The following FAR2 variants were observed in gnomAD, a reference collection of about 807,000 sequenced individuals.
FAR2 encodes the protein fatty acyl-CoA reductase 2, also known as epididymis secretory protein Li 81.
Under a neutral mutation model 56.0 loss-of-function variants are expected in FAR2, and 19 were observed. The observed-to-expected ratio is 0.34, with a 90% CI of 0.24 to 0.50. The LOEUF is 0.50. Among genes scored for constraint, FAR2 ranks in the 20% least tolerant of loss-of-function variants. FAR2 has a pLI of 0.98. For missense variants in FAR2, 508 were observed against 642.2 expected (o/e 0.79, Z 2.26); for synonymous variants, 219 against 218.8 (o/e 1.00, Z -0.01).
At chr12:29,155,238 G>A (rs533439060) in intron 1 of FAR2, among the ~76,000 whole-genome samples, 2 of 152,184 alleles carry the variant, frequency 1.3e-5, no homozygotes, top group Admixed American at 6.5e-5. Context: ...CTTAGGTCCC[G>A]TGGTAGGCCT....
At chr12:29,181,786 C>T (rs1485346559) in intron 1 of FAR2, among the ~76,000 whole-genome samples, 1 of 152,216 alleles carries the variant, frequency 6.6e-6, no homozygotes, top group Admixed American at 6.5e-5. Flanking sequence ...TCCCCCAATA[C>T]TTGATTCTAC....
chr12:29,190,738 C>G (rs1482768018), intron 1 of FAR2, among the ~76,000 whole-genome samples: 1 of 151,910 alleles, frequency 6.6e-6, no homozygotes, highest in Non-Finnish European at 1.5e-5. Context: ...GCTGGGATTA[C>G]AGGCATGAGC....
chr12:29,249,826 A>T (rs192972633), intron 1 of FAR2, among the ~76,000 whole-genome samples: 1 of 152,158 alleles, frequency 6.6e-6, no homozygotes, highest in Non-Finnish European at 1.5e-5. Flanking sequence ...AAGGTACAAG[A>T]CATGATCTGG....
chr12:29,308,357 C>T (rs1304832048), intron 5 of FAR2, among the ~76,000 whole-genome samples: 1 of 152,094 alleles, frequency 6.6e-6, no homozygotes, highest in Admixed American at 6.6e-5. Flanking sequence ...TCCAGCTCCA[C>T]TACTTACTGG....
chr12:29,257,833 G>C (rs969672399), intron 1 of FAR2, among the ~76,000 whole-genome samples: 1 of 152,070 alleles, frequency 6.6e-6, no homozygotes, highest in Non-Finnish European at 1.5e-5. Flanking sequence ...TCACCACGAG[G>C]GTCCGGGGCT....
intron 1 of FAR2, among the ~76,000 whole-genome samples, chr12:29,206,236 T>G (rs1025343871): frequency 6.6e-6 from 1 of 152,236 alleles, no homozygotes; most frequent in Admixed American, 6.5e-5. Context: ...CAGTGACTTC[T>G]ATTGCCTATT....
chr12:29,316,938 C>T lies in FAR2; in HGVS notation c.1053C>T (p.Tyr351=), dbSNP rs370238878. The T allele has an allele frequency of 1.2e-5, 19 of 1,613,974 alleles. No individual in the cohort carries two copies. The African/African-American group carries it at 2.4e-4, about 20-fold the overall frequency. ...CCAGCAACAGCTTCACATCACAGTACTGGAATGCGGTCAGCCACCGGGCCC... is the reference window on the plus strand; with the variant it reads ...CCAGCAACAGCTTCACATCACAGTATTGGAATGCGGTCAGCCACCGGGCCC... ...NFTSNSFTSQ[Y]WNAVSHRAPA... Residue 351 remains tyrosine, a synonymous_variant, in exon 9 of 12, where the codon TAC becomes TAT. Coordinates refer to ENST00000536681, the MANE Select transcript of FAR2 (RefSeq NM_001271783.2).
chr12:29,294,502 C>A (rs1949023597), intron 3 of FAR2, among the ~76,000 whole-genome samples: 1 of 152,150 alleles, frequency 6.6e-6, no homozygotes, highest in Non-Finnish European at 1.5e-5. Context: ...TGCCTGCCAC[C>A]ACGCTCGGCT....
At chr12:29,316,634 C>T (rs1343804568) in intron 8 of FAR2, among the ~76,000 whole-genome samples, 1 of 152,140 alleles carries the variant, frequency 6.6e-6, no homozygotes, top group Non-Finnish European at 1.5e-5. Flanking sequence ...ACTAAAGAAT[C>T]CAATTATTAA....
At chr12:29,221,102 C>G (rs979672076) in intron 1 of FAR2, among the ~76,000 whole-genome samples, 2 of 152,040 alleles carry the variant, frequency 1.3e-5, no homozygotes, top group African/African-American at 4.8e-5. Context: ...GGTAACAACA[C>G]TCCCTTACCA....
intron 8 of FAR2, among the ~76,000 whole-genome samples, chr12:29,316,134 G>A (rs1266089942): frequency 1.3e-5 from 2 of 151,508 alleles, no homozygotes; most frequent in African/African-American, 4.9e-5. Flanking sequence ...TGAATAATGA[G>A]CTTAGGCATA....
At chr12:29,193,240 AC>A (rs1182366311) in intron 1 of FAR2, among the ~76,000 whole-genome samples, 4 of 152,140 alleles carry the variant, frequency 2.6e-5, no homozygotes, top group African/African-American at 9.7e-5. Flanking sequence ...ACCTGTATGG[AC>A]ACATCATTAT....
At chr12:29,190,670 A>G (rs1318941509) in intron 1 of FAR2, among the ~76,000 whole-genome samples, 1 of 151,876 alleles carries the variant, frequency 6.6e-6, no homozygotes, top group Non-Finnish European at 1.5e-5. Context: ...TCACTGTGTT[A>G]GCCAGGATGG....
At chr12:29,230,564 A>G (rs1330620388) in intron 1 of FAR2, among the ~76,000 whole-genome samples, 1 of 152,108 alleles carries the variant, frequency 6.6e-6, no homozygotes, top group Non-Finnish European at 1.5e-5. Flanking sequence ...TATGAAAAAT[A>G]GACTGTTAGT....
At chr12:29,155,099 G>T (rs1361890944) in intron 1 of FAR2, among the ~76,000 whole-genome samples, 1 of 151,888 alleles carries the variant, frequency 6.6e-6, no homozygotes, top group Non-Finnish European at 1.5e-5. Context: ...CTGATTAAAA[G>T]CAAAATTGTT....
chr12:29,151,546 T>A (rs1365079851), intron 1 of FAR2: 1 of 152,182 alleles, frequency 6.6e-6, no homozygotes, highest in Non-Finnish European at 1.5e-5. Flanking sequence ...GCTATCACCG[T>A]CTGCTGGCTT....
chr12:29,186,646 C>T (rs1215502721), intron 1 of FAR2, among the ~76,000 whole-genome samples: 3 of 152,102 alleles, frequency 2.0e-5, no homozygotes, highest in Admixed American at 2.0e-4. Flanking sequence ...GAAAAATATG[C>T]AATATCTTTA....
intron 1 of FAR2, among the ~76,000 whole-genome samples, chr12:29,221,934 G>A (rs932588782): frequency 3.3e-5 from 5 of 151,834 alleles, no homozygotes; most frequent in African/African-American, 1.2e-4. Context: ...TACAACCTCC[G>A]CCTCCCAGGT....
intron 1 of FAR2, among the ~76,000 whole-genome samples, chr12:29,239,819 A>G (rs149182067): frequency 9.8e-4 from 149 of 152,330 alleles, no homozygotes; most frequent in African/African-American, 3.4e-3. Flanking sequence ...CTCTGGCTTT[A>G]TTAATGACAG....
Sources: gnomAD v4.1 joint callset for allele counts (sites outside exome capture counted in the v4.1 genomes callset) on GRCh38, gnomAD v4.1.1 for gene constraint, MANE v1.5 for transcripts, NCBI Gene and HGNC (gene_info 2026-07-23, HGNC 2026-07-21) for gene names.